RAD51B: variants seen among roughly 807,000 people sequenced by gnomAD.
RAD51B encodes RAD51 paralog B, also known as DNA repair protein RAD51 homolog 2.
In RAD51B, 38 loss-of-function variants were observed where a neutral mutation model predicts 42.2. The observed-to-expected ratio is 0.90, with a 90% CI of 0.70 to 1.18. RAD51B has a LOEUF of 1.18. RAD51B is among the 50% of genes most tolerant of loss of function. The pLI, the probability that RAD51B is intolerant of heterozygous loss-of-function variation, is 0.00. For synonymous variants in RAD51B, 154 were observed against 145.2 expected (o/e 1.06, Z -0.43); for missense variants, 373 against 400.7 (o/e 0.93, Z 0.59).
intron 10 of RAD51B, among the ~76,000 whole-genome samples, chr14:68,608,440 T>C (rs1891542895): frequency 6.6e-6 from 1 of 152,168 alleles, no homozygotes; most frequent in Non-Finnish European, 1.5e-5. Flanking sequence ...AGAGGGGCCT[T>C]GCTTGAGCGT....
intron 7 of RAD51B, among the ~76,000 whole-genome samples, chr14:68,086,256 G>T (rs2076982573): frequency 6.6e-6 from 1 of 152,170 alleles, no homozygotes; most frequent in South Asian, 2.1e-4. Context: ...ACTCCGCGTT[G>T]TTGGCTTGCC....
At chr14:68,566,525 C>T (rs949400752) in intron 10 of RAD51B, among the ~76,000 whole-genome samples, 5 of 152,170 alleles carry the variant, frequency 3.3e-5, no homozygotes, top group African/African-American at 1.2e-4. Flanking sequence ...TGACCTTGAT[C>T]CAACTGAGGA....
chr14:68,100,388 C>G (rs1484831084), intron 7 of RAD51B, among the ~76,000 whole-genome samples: 2 of 152,112 alleles, frequency 1.3e-5, no homozygotes, highest in African/African-American at 2.4e-5. Flanking sequence ...CACTGTGTTG[C>G]CCAGGCTCTT....
At chr14:68,531,343 A>G (rs1887294298) in intron 10 of RAD51B, among the ~76,000 whole-genome samples, 1 of 152,182 alleles carries the variant, frequency 6.6e-6, no homozygotes, top group Admixed American at 6.5e-5. Context: ...AGAATTTTTA[A>G]AGTATTCAGT....
At chr14:68,153,140 A>G (rs1368536524) in intron 7 of RAD51B, among the ~76,000 whole-genome samples, 1 of 152,134 alleles carries the variant, frequency 6.6e-6, no homozygotes, top group Non-Finnish European at 1.5e-5. Flanking sequence ...CTGGGTCAAT[A>G]TCTTTAAGTG....
intron 11 of RAD51B, among the ~76,000 whole-genome samples, chr14:68,680,814 A>G (rs906706732): frequency 2.0e-5 from 3 of 152,128 alleles, no homozygotes; most frequent in African/African-American, 7.2e-5. Context: ...TGAGCGTCGC[A>G]GTAAGCTGAG....
At chr14:68,531,493 A>C (rs1411776407) in intron 10 of RAD51B, among the ~76,000 whole-genome samples, 2 of 152,214 alleles carry the variant, frequency 1.3e-5, no homozygotes, top group African/African-American at 2.4e-5. Context: ...AATATATGTT[A>C]ATAGGGATAG....
chr14:68,495,619 G>A (rs1043646838), intron 10 of RAD51B, among the ~76,000 whole-genome samples: 19 of 147,444 alleles, frequency 1.3e-4, no homozygotes, highest in African/African-American at 3.6e-4. Context: ...GGTAACTGAC[G>A]ACACACTGTG....
chr14:68,085,496 A>G (rs1030791609), intron 7 of RAD51B, among the ~76,000 whole-genome samples: 1 of 152,158 alleles, frequency 6.6e-6, no homozygotes, highest in Non-Finnish European at 1.5e-5. Context: ...AGGAAGAGAG[A>G]GTTTGAAAAA....
At chr14:68,138,096 A>G (rs1483969280) in intron 7 of RAD51B, among the ~76,000 whole-genome samples, 1 of 152,170 alleles carries the variant, frequency 6.6e-6, no homozygotes, top group Non-Finnish European at 1.5e-5. Flanking sequence ...CCAAGAAGCC[A>G]GGACAAGCTT....
At chr14:68,591,091 C>T (rs1416461338) in intron 10 of RAD51B, among the ~76,000 whole-genome samples, 1 of 152,208 alleles carries the variant, frequency 6.6e-6, no homozygotes, top group African/African-American at 2.4e-5. Context: ...CAAATTAAAA[C>T]TCCAGTTTTT....
intron 7 of RAD51B, among the ~76,000 whole-genome samples, chr14:67,931,493 G>C (rs1331628049): frequency 6.8e-6 from 1 of 147,728 alleles, no homozygotes; most frequent in Non-Finnish European, 1.5e-5. Context: ...TTCTTTTTCT[G>C]GGATTTCTTT....
chr14:68,417,797 C>T (rs2084598695), intron 9 of RAD51B, among the ~76,000 whole-genome samples: 1 of 152,178 alleles, frequency 6.6e-6, no homozygotes, highest in African/African-American at 2.4e-5. Flanking sequence ...AACCATGGGA[C>T]TCCCTTTGAA....
intron 7 of RAD51B, among the ~76,000 whole-genome samples, chr14:68,088,967 T>TC (rs2077045713): frequency 6.6e-6 from 1 of 152,178 alleles, no homozygotes; most frequent in Admixed American, 6.5e-5. Context: ...AGAGCTCATG[T>TC]CCTTAGAAAG....
At chr14:67,864,466 G>A (rs1172807775) in intron 4 of RAD51B, among the ~76,000 whole-genome samples, 1 of 151,996 alleles carries the variant, frequency 6.6e-6, no homozygotes, top group Non-Finnish European at 1.5e-5. Flanking sequence ...TTTATTTGCT[G>A]AACTGTTTGA....
At chr14:67,838,133 T>A (rs957074553) in intron 4 of RAD51B, among the ~76,000 whole-genome samples, 9 of 152,220 alleles carry the variant, frequency 5.9e-5, no homozygotes, top group Non-Finnish European at 1.2e-4. Flanking sequence ...CATTCTTTTT[T>A]ATGGCTGAAA....
intron 7 of RAD51B, among the ~76,000 whole-genome samples, chr14:67,912,048 C>G (rs971103503): frequency 7.2e-5 from 11 of 152,158 alleles, no homozygotes; most frequent in Non-Finnish European, 1.5e-5. Context: ...TTATTTTCTT[C>G]TACTCTTTAT....
At chr14:68,015,511 C>T (rs928016606) in intron 7 of RAD51B, among the ~76,000 whole-genome samples, 11 of 152,046 alleles carry the variant, frequency 7.2e-5, no homozygotes, top group African/African-American at 1.9e-4. Context: ...TGGTGGAAGG[C>T]GAAGGAGGAG....
At chr14:68,130,200 T>C (rs1472040479) in intron 7 of RAD51B, 2 of 152,360 alleles carry the variant, frequency 1.3e-5, no homozygotes, top group East Asian at 1.9e-4. Context: ...TGTTCTCTGG[T>C]CCATAGAGGG....
Sources: allele counts gnomAD v4.1 joint callset (sites outside exome capture counted in the v4.1 genomes callset), GRCh38; gene constraint gnomAD v4.1.1; transcripts MANE v1.5; gene names NCBI Gene and HGNC (gene_info 2026-07-23, HGNC 2026-07-21).